OSBPL8: variants seen among roughly 807,000 people sequenced by gnomAD.
OSBPL8 encodes oxysterol binding protein like 8, also known as oxysterol-binding protein-related protein 8.
Under a neutral mutation model 125.5 loss-of-function variants are expected in OSBPL8, and 59 were observed. The observed-to-expected ratio is 0.47, with a 90% CI of 0.38 to 0.58. OSBPL8 has a LOEUF of 0.58. OSBPL8 is among the 20% of genes least tolerant of loss of function. The probability of loss-of-function intolerance (pLI) is 0.00; values close to 1 mark genes in which losing one functional copy is unlikely to be tolerated. For synonymous variants in OSBPL8, 330 were observed against 338.9 expected (o/e 0.97, Z 0.29); for missense variants, 758 against 1,047.8 (o/e 0.72, Z 3.82).
At position 76,530,662 on chromosome 12, in the gene OSBPL8, C is replaced by G. The variant is rs144746793; in HGVS notation, c.-68+28735G>C. ...CGCTCCATAAGCAGTTTGTTTTGTT[C>G]AGTGAGGTATTCCCAACACCTAGAA... On this transcript the variant is annotated intron_variant, in intron 1 of 23. Coordinates refer to ENST00000261183, the MANE Select transcript of OSBPL8 (RefSeq NM_020841.5). Among the ~76,000 whole-genome samples, 944 of 152,196 alleles carry G rather than the reference C, an allele frequency of 6.2e-3. 9 individuals are homozygous for G. The highest frequency in any genetic ancestry group is 0.044 in the Middle Eastern group (13 of 294).
intron 2 of OSBPL8, among the ~76,000 whole-genome samples, chr12:76,477,130 T>C (rs1876905054): frequency 3.9e-5 from 6 of 152,180 alleles, no homozygotes; most frequent in Admixed American, 3.9e-4. Flanking sequence ...CCTTTTGTCA[T>C]ATCAGGCAGC....
intron 1 of OSBPL8, among the ~76,000 whole-genome samples, chr12:76,539,155 G>GAA (rs947126671): frequency 7.1e-6 from 1 of 140,832 alleles, no homozygotes. Context: ...GCCACACAGA[G>GAA]AAAAAAAAAA....
chr12:76,468,575 C>T (rs1484054063), intron 2 of OSBPL8, among the ~76,000 whole-genome samples: 2 of 152,154 alleles, frequency 1.3e-5, no homozygotes, highest in African/African-American at 2.4e-5. Context: ...CAGAGCTTTG[C>T]GCCATAGCAG....
intron 4 of OSBPL8, among the ~76,000 whole-genome samples, chr12:76,450,433 C>T (rs1244009563): frequency 6.6e-6 from 1 of 152,074 alleles, no homozygotes; most frequent in Non-Finnish European, 1.5e-5. Flanking sequence ...ATGTTACTTA[C>T]ATTAACATGT....
rs1874497363 is a variant in OSBPL8, at chr12:76,459,872, G to A, written c.66C>T (p.Val22=). 6.2e-7 allele frequency: 1 copy of A among 1,613,696 alleles called. No individual in the cohort carries two copies. Among genetic ancestry groups the A allele is most frequent in the Non-Finnish European group, 8.5e-7 (1 of 1,179,934 alleles). Reference sequence around the variant, plus strand: ...TCAGCTACTTACTTGATGGCCCAAGGACATCTTTGCTATCACCAAGAAGCT... The same window carrying A: ...TCAGCTACTTACTTGATGGCCCAAGAACATCTTTGCTATCACCAAGAAGCT... ...RTSLLGDSKD[V]LGPSTVVANS... Residue 22 remains valine, a synonymous_variant, in exon 3 of 24, where the codon GTC becomes GTT. Transcript: ENST00000261183.
At position 76,487,599 on chromosome 12, in the gene OSBPL8, A is replaced by T; in HGVS notation, c.-48T>A. On this transcript the variant is annotated 5_prime_UTR_variant, in exon 2 of 24. An upstream start codon of the reference 5' UTR is lost. Coordinates refer to ENST00000261183, the MANE Select transcript of OSBPL8 (RefSeq NM_020841.5). The stretch of plus-strand genomic sequence containing the variant: ...CTTCTCTTTCCATTAATGTGCAGCC[A>T]TTCTGTAAATCTGCAAATCCTAAAA... 1 of 1,500,022 alleles carries T rather than the reference A, an allele frequency of 6.7e-7. No individual in the cohort carries two copies. The highest frequency in any genetic ancestry group is 1.3e-5 in the South Asian group (1 of 78,464). The allele number at this position is 1,500,022 out of a possible 1,614,324, so 92.9% of individuals were successfully genotyped here. A position where few individuals can be genotyped will look rare whatever the true frequency, so the allele number is the denominator to read the frequency against.
intron 4 of OSBPL8, among the ~76,000 whole-genome samples, chr12:76,445,068 T>C (rs1872593208): frequency 6.6e-6 from 1 of 152,194 alleles, no homozygotes; most frequent in Non-Finnish European, 1.5e-5. Flanking sequence ...GAACCCATCA[T>C]AATCTCACCA....
chr12:76,522,972 C>T (rs879227656), intron 1 of OSBPL8, among the ~76,000 whole-genome samples: 5 of 152,186 alleles, frequency 3.3e-5, no homozygotes, highest in South Asian at 2.1e-4. Flanking sequence ...CAAGTAGCTG[C>T]GACTACAGGC....
intron 2 of OSBPL8, among the ~76,000 whole-genome samples, chr12:76,460,877 T>C (rs1339277763): frequency 1.3e-5 from 2 of 152,242 alleles, no homozygotes; most frequent in Non-Finnish European, 2.9e-5. Flanking sequence ...TAAAGAGACC[T>C]GAGGATCTTA....
intron 2 of OSBPL8, among the ~76,000 whole-genome samples, chr12:76,477,183 G>A (rs540857281): frequency 6.6e-6 from 1 of 152,258 alleles, no homozygotes; most frequent in Non-Finnish European, 1.5e-5. Flanking sequence ...TTAAGGCTTA[G>A]ATGACCAACT....
In OSBPL8 at chr12:76,559,594, G is replaced by A. The variant is rs4761430; in HGVS notation, c.-265C>T. 19,911 of 152,214 alleles carry A rather than the reference G, an allele frequency of 0.13. 1,713 individuals are homozygous for A. Among genetic ancestry groups the A allele is most frequent in the South Asian group, 0.28 (1,337 of 4,820 alleles). The allele number at this position is 152,214 out of a possible 1,614,324, so 9.4% of individuals were successfully genotyped here. On this transcript the variant is annotated 5_prime_UTR_variant, in exon 1 of 24. Transcript: ENST00000261183. ...CGGAGGCACTGCCGGCTCAGCCCCC[G>A]AGCGGGGCGGGAACTTTCGGCCCCG...
At position 76,355,771 on chromosome 12, in the gene OSBPL8, T is replaced by C. The variant is rs1049251491; in HGVS notation, c.*118A>G. ...AAAAGTCAATACCTCTACATTTATC[T>C]CCTAGGTTTTTTTGTTTTCGGAATA... On this transcript the variant is annotated 3_prime_UTR_variant, in exon 24 of 24. Coordinates refer to ENST00000261183, the MANE Select transcript of OSBPL8 (RefSeq NM_020841.5). The C allele has an allele frequency of 5.4e-6, 6 of 1,108,940 alleles. No individual in the cohort carries two copies. The highest frequency in any genetic ancestry group is 7.6e-6 in the Non-Finnish European group (6 of 790,108). 68.7% of individuals were successfully genotyped at this position (1,108,940 alleles called of 1,614,324 possible).
intron 1 of OSBPL8, among the ~76,000 whole-genome samples, chr12:76,547,941 A>C (rs1950825999): frequency 6.6e-6 from 1 of 152,190 alleles, no homozygotes; most frequent in Non-Finnish European, 1.5e-5. Flanking sequence ...AGCGGCATAA[A>C]GGCACAAACA....
rs540660057 is a variant in OSBPL8 at position 76,495,122 on chromosome 12, G to A, written c.-67-7504C>T. Among the ~76,000 whole-genome samples the A allele has an allele frequency of 2.0e-3, 299 of 152,184 alleles. 1 individual carries two copies. Among genetic ancestry groups the A allele is most frequent in the African/African-American group, 6.8e-3 (284 of 41,532 alleles). On this transcript the variant is annotated intron_variant, in intron 1 of 23. Transcript: ENST00000261183. ...AAGACATCTGCAGAGCAGATAACGAGAACGTATTTAATTTCATTTTGGGTC... is the reference window on the plus strand; with the variant it reads ...AAGACATCTGCAGAGCAGATAACGAAAACGTATTTAATTTCATTTTGGGTC...
chr12:76,444,498 T>C (rs1401590040), intron 4 of OSBPL8, among the ~76,000 whole-genome samples: 2 of 152,154 alleles, frequency 1.3e-5, no homozygotes, highest in Admixed American at 6.5e-5. Flanking sequence ...TATTCCACTA[T>C]AGAAGACCAG....
chr12:76,514,398 G>A (rs572262002), intron 1 of OSBPL8, among the ~76,000 whole-genome samples: 93 of 150,936 alleles, frequency 6.2e-4, no homozygotes, highest in Non-Finnish European at 1.0e-3. Flanking sequence ...TGATCTACCC[G>A]CTTCAGCCTC....
At chr12:76,553,197 C>G (rs80284557) in intron 1 of OSBPL8, among the ~76,000 whole-genome samples, 1 of 151,514 alleles carries the variant, frequency 6.6e-6, no homozygotes, top group African/African-American at 2.4e-5. Context: ...AATATACCAA[C>G]ATAGATTCCA....
intron 1 of OSBPL8, among the ~76,000 whole-genome samples, chr12:76,506,617 C>T (rs542092147): frequency 1.3e-5 from 2 of 152,088 alleles, no homozygotes. Context: ...AAGACATACA[C>T]AAAATAAAAA....
In OSBPL8 at chr12:76,366,259, C is replaced by A. The variant is rs189462422; in HGVS notation, c.2328+2955G>T. On this transcript the variant is annotated intron_variant, in intron 21 of 23. Transcript: ENST00000261183. ...TACTGATTCAATCTCTTTATTGTTA[C>A]AGCTCTATTGAGATTTTCTATTTCT... is the stretch of plus-strand genomic sequence containing the variant. 1.1e-3 allele frequency among the ~76,000 whole-genome samples: 161 copies of A among 152,256 alleles called. 2 individuals carry two copies. Among genetic ancestry groups the A allele is most frequent in the Non-Finnish European group, 1.1e-3 (78 of 68,000 alleles).
Sources: allele counts gnomAD v4.1 joint callset (sites outside exome capture counted in the v4.1 genomes callset), GRCh38; gene constraint gnomAD v4.1.1; transcripts MANE v1.5; gene names NCBI Gene and HGNC (gene_info 2026-07-23, HGNC 2026-07-21).